The following TAAR5 variants were observed in gnomAD, a reference collection of about 807,000 sequenced individuals.
TAAR5 encodes trace amine-associated receptor 5.
In TAAR5, 27 loss-of-function variants were observed where a neutral mutation model predicts 21.1. That is an observed-to-expected ratio of 1.28 (90% confidence interval 0.94 to 1.76). The LOEUF (loss-of-function observed/expected upper bound fraction) is 1.76, where lower values mean the gene tolerates loss of function less well. Ranked by LOEUF, TAAR5 falls within the 40% of genes most tolerant of loss-of-function variation. The pLI is 0.00. For missense variants in TAAR5, 495 were observed against 405.6 expected, an observed-to-expected ratio of 1.22 and a Z score of -1.89; for synonymous variants, 203 against 167.5, an observed-to-expected ratio of 1.21 and a Z score of -1.64.
the TAAR5 span, among the ~76,000 whole-genome samples, chr6:132,603,719 T>C: frequency 6.6e-6 from 1 of 152,176 alleles, no homozygotes; most frequent in African/African-American, 2.4e-5. Context: ...AAAATGTTTA[T>C]AAAAGGTACT....
chr6:132,601,242 A>AT, the TAAR5 span, among the ~76,000 whole-genome samples: 3 of 152,210 alleles, frequency 2.0e-5, no homozygotes, highest in African/African-American at 7.2e-5. Context: ...TTTTAATAGA[A>AT]TTTTTTCTCA....
the TAAR5 span, among the ~76,000 whole-genome samples, chr6:132,615,140 G>A: frequency 6.6e-6 from 1 of 152,152 alleles, no homozygotes; most frequent in East Asian, 1.9e-4. Flanking sequence ...GGGATTACAG[G>A]CATCTCTGTG....
At chr6:132,612,642 C>A in the TAAR5 span, among the ~76,000 whole-genome samples, 2 of 152,238 alleles carry the variant, frequency 1.3e-5, no homozygotes, top group Non-Finnish European at 1.5e-5. Flanking sequence ...GGTGCTGCTG[C>A]TAGTGGCATG....
chr6:132,589,203 G>T lies in TAAR5; in HGVS notation c.484C>A (p.Pro162Thr), dbSNP rs372318435. 6.2e-7 allele frequency: 1 copy of T among 1,605,186 alleles called. No individual in the cohort carries two copies. The highest frequency in any genetic ancestry group is 8.5e-7 in the Non-Finnish European group (1 of 1,175,506). Residue 162 changes from proline (P) to threonine (T), a missense_variant, in exon 1 of 1, where the codon CCC (proline) becomes ACC (threonine). Coordinates refer to ENST00000258034, the MANE Select transcript of TAAR5 (RefSeq NM_003967.3). ...AGGAATAACGAAGTGTATGCTGCGG[G>T]CACCCCCCATCCTGCCAGGATGTAC... ...LRYILAGWGV[P>T]AAYTSLFLYT...
At chr6:132,598,235 G>C in the TAAR5 span, among the ~76,000 whole-genome samples, 4 of 152,106 alleles carry the variant, frequency 2.6e-5, no homozygotes, top group Non-Finnish European at 5.9e-5. Context: ...TGGTAAATTA[G>C]ATTTAAGAAA....
chr6:132,601,736 A>T, the TAAR5 span, among the ~76,000 whole-genome samples: 1 of 152,236 alleles, frequency 6.6e-6, no homozygotes, highest in Admixed American at 6.5e-5. Flanking sequence ...GTTTACTGAC[A>T]TAAAATGAAA....
upstream of TAAR5, among the ~76,000 whole-genome samples, chr6:132,591,131 C>A (rs1776900312): frequency 6.6e-6 from 1 of 152,124 alleles, no homozygotes; most frequent in African/African-American, 2.4e-5. Flanking sequence ...TTATGCCATA[C>A]CTAACCTCTC....
Position 132,589,186 on chromosome 6 carries a change from C to T in TAAR5, c.501G>A (p.Ser167=), listed in dbSNP as rs781089726. 2.9e-5 allele frequency: 46 copies of T among 1,606,422 alleles called. No homozygotes were observed. Among genetic ancestry groups the T allele is most frequent in the East Asian group, 2.7e-4 (12 of 44,836 alleles). The change falls in exon 1 of 1, where the codon TCG becomes TCA. Residue 167 remains serine, a synonymous_variant. Transcript: ENST00000258034. ...AGWGVPAAYT[S]LFLYTDVVET... is the part of the protein sequence containing the mutation. ...CTACCACATCTGTGTAGAGGAATAACGAAGTGTATGCTGCGGGCACCCCCC... is the reference window on the plus strand; with the variant it reads ...CTACCACATCTGTGTAGAGGAATAATGAAGTGTATGCTGCGGGCACCCCCC...
At chr6:132,605,120 A>C in the TAAR5 span, among the ~76,000 whole-genome samples, 1 of 152,224 alleles carries the variant, frequency 6.6e-6, no homozygotes, top group South Asian at 2.1e-4. Flanking sequence ...CCTGAGAGGG[A>C]GAACTCCTTA....
At chr6:132,606,443 G>A in the TAAR5 span, among the ~76,000 whole-genome samples, 3 of 152,122 alleles carry the variant, frequency 2.0e-5, no homozygotes, top group Non-Finnish European at 2.9e-5. Flanking sequence ...AGGCATGAGT[G>A]GGTGATGTCT....
chr6:132,589,268 A>T lies in TAAR5; in HGVS notation c.419T>A (p.Leu140Gln). Residue 140 changes from leucine (L) to glutamine (Q), a missense_variant, in exon 1 of 1, where the codon CTG becomes CAG. Physicochemically the swap from Leu to Gln is moderately radical, Grantham distance 113. Transcript: ENST00000258034. ...CACTGTGAACTTGGAGGGATAGAGCAGGGGGTCACAGATGGCACAGTGGCG... is the reference window on the plus strand; with the variant it reads ...CACTGTGAACTTGGAGGGATAGAGCTGGGGGTCACAGATGGCACAGTGGCG... ...IDRHCAICDP[L>Q]LYPSKFTVRV... 1 of 1,610,558 alleles carries T rather than the reference A, an allele frequency of 6.2e-7. No homozygotes were observed. The highest frequency in any genetic ancestry group is 8.5e-7 in the Non-Finnish European group (1 of 1,178,126).
the TAAR5 span, among the ~76,000 whole-genome samples, chr6:132,598,790 G>C: frequency 6.6e-6 from 1 of 152,040 alleles, no homozygotes; most frequent in South Asian, 2.1e-4. Context: ...ACCTCAGAGG[G>C]ACAACAAGGA....
chr6:132,610,151 G>A, the TAAR5 span, among the ~76,000 whole-genome samples: 1 of 152,170 alleles, frequency 6.6e-6, no homozygotes. Flanking sequence ...ATAAAGGAGG[G>A]TGGACAAATG....
Position 132,589,282 on chromosome 6 carries a change from G to A in TAAR5, c.405C>T (p.Ala135=). 4 of 1,611,946 alleles carry A rather than the reference G, an allele frequency of 2.5e-6. No individual in the cohort carries two copies. The highest frequency in any genetic ancestry group is 3.4e-6 in the Non-Finnish European group (4 of 1,178,858). ...LCFISIDRHC[A]ICDPLLYPSK... ...AGGGATAGAGCAGGGGGTCACAGAT[G>A]GCACAGTGGCGGTCAATGGAAATGA... Residue 135 remains alanine, a synonymous_variant, in exon 1 of 1, where the codon GCC becomes GCT. Transcript: ENST00000258034.
chr6:132,616,195 G>C, the TAAR5 span, among the ~76,000 whole-genome samples: 3 of 152,130 alleles, frequency 2.0e-5, no homozygotes, highest in African/African-American at 7.2e-5. Flanking sequence ...GTTCTTTTTA[G>C]AGCCCAGTGT....
chr6:132,610,782 C>T, the TAAR5 span, among the ~76,000 whole-genome samples: 41,865 of 151,894 alleles, frequency 0.28, 5,970 homozygotes, highest in Middle Eastern at 0.41. Flanking sequence ...AGCAAAAGAG[C>T]CTTGCGTTGA....
At chr6:132,609,737 A>G in the TAAR5 span, among the ~76,000 whole-genome samples, 4 of 152,332 alleles carry the variant, frequency 2.6e-5, no homozygotes, top group East Asian at 7.7e-4. Context: ...GTGAAATACC[A>G]AAGTTTTTCT....
chr6:132,612,783 C>T, the TAAR5 span, among the ~76,000 whole-genome samples: 3 of 152,114 alleles, frequency 2.0e-5, no homozygotes, highest in African/African-American at 4.8e-5. Flanking sequence ...AACTCACATA[C>T]TCTCAAAGAT....
chr6:132,592,071 A>G (rs1004097954), upstream of TAAR5, among the ~76,000 whole-genome samples: 1 of 152,234 alleles, frequency 6.6e-6, no homozygotes, highest in Non-Finnish European at 1.5e-5. Context: ...ATTCCATTAC[A>G]TAACAATCAC....
Sources: allele counts gnomAD v4.1 joint callset (sites outside exome capture counted in the v4.1 genomes callset), GRCh38; gene constraint gnomAD v4.1.1; transcripts MANE v1.5; gene names NCBI Gene and HGNC (gene_info 2026-07-23, HGNC 2026-07-21).